Variants in ZBTB43 observed in about 807,000 individuals in gnomAD.
The protein encoded by ZBTB43 is zinc finger and BTB domain containing 43.
ZBTB43 carries 6 observed loss-of-function variants against 31.1 expected under a neutral mutation model. The observed-to-expected ratio is 0.19, with a 90% CI of 0.11 to 0.38. ZBTB43 has a LOEUF of 0.38. ZBTB43 is among the 10% of genes least tolerant of loss of function. The probability of loss-of-function intolerance (pLI) is 1.00; values close to 1 mark genes in which losing one functional copy is unlikely to be tolerated. For missense variants in ZBTB43, 379 were observed against 602.1 expected (o/e 0.63, Z 3.88); for synonymous variants, 212 against 221.7 (o/e 0.96, Z 0.39).
upstream of ZBTB43, among the ~76,000 whole-genome samples, chr9:126,804,092 A>C (rs988095201): frequency 6.6e-6 from 1 of 152,110 alleles, no homozygotes; most frequent in Non-Finnish European, 1.5e-5. Context: ...TTCTACAAAG[A>C]GGGCACTTGG....
rs2032853942 is a variant in ZBTB43, at chr9:126,835,205, A to G, written c.*1292A>G. 6.0e-6 allele frequency: 1 copy of G among 167,008 alleles called. No individual in the cohort carries two copies. The highest frequency in any genetic ancestry group is 1.5e-5 in the Non-Finnish European group (1 of 68,108). 10.3% of individuals were successfully genotyped at this position (167,008 alleles called of 1,614,324 possible). On this transcript the variant is annotated 3_prime_UTR_variant, in exon 3 of 3. Transcript: ENST00000373464. ...GCTGCTTAAACTTAAAAGTCCACAAAGCTACGCCGACCAGAAAAAAAAAAT... is the reference window on the plus strand; with the variant it reads ...GCTGCTTAAACTTAAAAGTCCACAAGGCTACGCCGACCAGAAAAAAAAAAT...
In ZBTB43 at chr9:126,815,432, A is replaced by T. The variant is rs186968702; in HGVS notation, c.-24+6517A>T. ...ACTTTTTGCCTTCCCCACAACAATCATGTCTACATTAGGTATCTGGAAGTT... is the reference window on the plus strand; with the variant it reads ...ACTTTTTGCCTTCCCCACAACAATCTTGTCTACATTAGGTATCTGGAAGTT... On this transcript the variant is annotated intron_variant, in intron 2 of 2. Coordinates refer to ENST00000373464, the MANE Select transcript of ZBTB43 (RefSeq NM_014007.4). Among the ~76,000 whole-genome samples the T allele has an allele frequency of 1.0e-4, 15 of 150,160 alleles. 1 individual carries two copies. Among genetic ancestry groups the T allele is most frequent in the Admixed American group, 8.6e-4 (13 of 15,040 alleles).
intron 2 of ZBTB43, among the ~76,000 whole-genome samples, chr9:126,827,379 CTCCACCCCCTCCTCTTG>C (rs2032664454): frequency 1.3e-5 from 2 of 152,334 alleles, no homozygotes; most frequent in South Asian, 4.1e-4. Flanking sequence ...AAGGTCCTTC[CTCCACCCCCTCCTCTTG>C]TATGAGCCAG....
rs35825124 is a variant in ZBTB43, at chr9:126,826,013, A to ATT, written c.-23-6458_-23-6457dup. ...AGGCTCATGACACCATGCCCAGCCA[A>ATT]TTTTTTTTTTTTTTTTTGAGATGAA... On this transcript the variant is annotated intron_variant, in intron 2 of 2. Coordinates refer to ENST00000373464, the MANE Select transcript of ZBTB43 (RefSeq NM_014007.4). 9.7e-3 allele frequency among the ~76,000 whole-genome samples: 1,170 copies of ATT among 120,958 alleles called. 18 individuals are homozygous for ATT. Among genetic ancestry groups the ATT allele is most frequent in the Middle Eastern group, 0.017 (4 of 232 alleles). 79.4% of individuals were successfully genotyped at this position (120,958 alleles called of 152,430 possible).
chr9:126,820,967 CAAAAAAA>C (rs36023653), intron 2 of ZBTB43, among the ~76,000 whole-genome samples: 3 of 83,492 alleles, frequency 3.6e-5, no homozygotes, highest in African/African-American at 5.6e-5. Flanking sequence ...ACCCCCATCT[CAAAAAAA>C]AAAAAAAAAA....
At chr9:126,807,108 T>C (rs1161144079) in intron 1 of ZBTB43, among the ~76,000 whole-genome samples, 1 of 152,228 alleles carries the variant, frequency 6.6e-6, no homozygotes, top group Non-Finnish European at 1.5e-5. Context: ...TTTAAGGTAG[T>C]TTATCAAGCT....
intron 2 of ZBTB43, among the ~76,000 whole-genome samples, chr9:126,827,957 T>A (rs1320069417): frequency 6.6e-6 from 1 of 151,806 alleles, no homozygotes; most frequent in Non-Finnish European, 1.5e-5. Flanking sequence ...GCAGAGGTTG[T>A]GGTGAGCTGA....
At chr9:126,822,935 T>C (rs1002907726) in intron 2 of ZBTB43, among the ~76,000 whole-genome samples, 12 of 152,296 alleles carry the variant, frequency 7.9e-5, no homozygotes, top group African/African-American at 2.6e-4. Flanking sequence ...TACTTTTTTT[T>C]TTTTAGACAT....
intron 1 of ZBTB43, among the ~76,000 whole-genome samples, chr9:126,805,444 C>A (rs2032102464): frequency 6.6e-6 from 1 of 152,232 alleles, no homozygotes; most frequent in African/African-American, 2.4e-5. Flanking sequence ...CCCGTCCGTC[C>A]GCTGGCCTTT....
chr9:126,804,229 G>T (rs1246530179), upstream of ZBTB43, among the ~76,000 whole-genome samples: 2 of 152,168 alleles, frequency 1.3e-5, no homozygotes, highest in African/African-American at 4.8e-5. Context: ...GGGAGTGGGA[G>T]AATTGGAGGC....
At chr9:126,826,015 T>TA (rs1226403391) in intron 2 of ZBTB43, among the ~76,000 whole-genome samples, 1 of 144,146 alleles carries the variant, frequency 6.9e-6, no homozygotes, top group East Asian at 2.0e-4. Context: ...CCCAGCCAAT[T>TA]TTTTTTTTTT....
At chr9:126,809,226 T>C (rs111820163) in intron 2 of ZBTB43, among the ~76,000 whole-genome samples, 2,110 of 152,332 alleles carry the variant, frequency 0.014, 52 homozygotes, top group African/African-American at 0.048. Flanking sequence ...GTGTAACCAC[T>C]GGCAGGTCTT....
rs539913539 is a variant in ZBTB43, at chr9:126,811,425, TTAAG to T, written c.-24+2512_-24+2515del. 1.6e-3 allele frequency among the ~76,000 whole-genome samples: 244 copies of T among 152,270 alleles called. 2 individuals are homozygous for T. The highest frequency in any genetic ancestry group is 5.6e-3 in the African/African-American group (232 of 41,552). On this transcript the variant is annotated intron_variant, in intron 2 of 2. Coordinates refer to ENST00000373464, the MANE Select transcript of ZBTB43 (RefSeq NM_014007.4). ...CCTATTGAGTGGGTTGCTGTGAAGATTAAGTGAGACAGAGCATATAAAGTGCTTT... is the reference window on the plus strand; with the variant it reads ...CCTATTGAGTGGGTTGCTGTGAAGATTGAGACAGAGCATATAAAGTGCTTT...
intron 2 of ZBTB43, among the ~76,000 whole-genome samples, chr9:126,820,440 A>G (rs1046999725): frequency 8.5e-5 from 13 of 152,176 alleles, no homozygotes; most frequent in African/African-American, 3.1e-4. Flanking sequence ...AAGCTTGGAG[A>G]CAGCATTTAC....
intron 2 of ZBTB43, among the ~76,000 whole-genome samples, chr9:126,810,856 G>A (rs769884394): frequency 1.3e-5 from 2 of 151,834 alleles, no homozygotes; most frequent in African/African-American, 4.8e-5. Context: ...TGAATGCATT[G>A]TATATAATAA....
intron 2 of ZBTB43, among the ~76,000 whole-genome samples, chr9:126,817,233 T>C (rs1376323984): frequency 1.3e-5 from 2 of 148,258 alleles, no homozygotes; most frequent in Non-Finnish European, 3.0e-5. Context: ...CTCTTCAGCC[T>C]TCTGAGTAGC....
intron 1 of ZBTB43, among the ~76,000 whole-genome samples, chr9:126,805,800 A>T (rs1305110436): frequency 6.6e-6 from 1 of 152,074 alleles, no homozygotes; most frequent in African/African-American, 2.4e-5. Context: ...CTTTTTGGCC[A>T]TCTGTCTGTT....
rs750773728 is a variant in ZBTB43 at position 126,835,347 on chromosome 9, G to A, written c.*1434G>A. The A allele has an allele frequency of 7.5e-4, 126 of 167,100 alleles. No homozygotes were observed. Among genetic ancestry groups the A allele is most frequent in the Non-Finnish European group, 1.4e-3 (96 of 68,122 alleles). The allele number at this position is 167,100 out of a possible 1,614,324, so 10.4% of individuals were successfully genotyped here. On this transcript the variant is annotated 3_prime_UTR_variant, in exon 3 of 3. Transcript: ENST00000373464. Reference sequence around the variant, plus strand: ...TGCTTTTAAGCTGTGTAACATACCTGAGGTTATCACCAGGGTAGGACAGGG... The same window carrying A: ...TGCTTTTAAGCTGTGTAACATACCTAAGGTTATCACCAGGGTAGGACAGGG...
At chr9:126,806,136 C>T (rs931858444) in intron 1 of ZBTB43, among the ~76,000 whole-genome samples, 2 of 152,210 alleles carry the variant, frequency 1.3e-5, no homozygotes, top group African/African-American at 4.8e-5. Context: ...TCTATCCACT[C>T]ACCACAGGAT....
Sources: gnomAD v4.1 joint callset for allele counts (sites outside exome capture counted in the v4.1 genomes callset) on GRCh38, gnomAD v4.1.1 for gene constraint, MANE v1.5 for transcripts, NCBI Gene and HGNC (gene_info 2026-07-23, HGNC 2026-07-21) for gene names.